SCN9A: variants seen among roughly 807,000 people sequenced by gnomAD.
SCN9A encodes sodium voltage-gated channel alpha subunit 9, also known as sodium channel protein type 9 subunit alpha.
In SCN9A, 131 loss-of-function variants were observed where a neutral mutation model predicts 187.0. That is an observed-to-expected ratio of 0.70 (90% confidence interval 0.61 to 0.81). The LOEUF is 0.81. Ranked by LOEUF, SCN9A falls within the 30% of genes least tolerant of loss-of-function variation. The pLI, the probability that SCN9A is intolerant of heterozygous loss-of-function variation, is 0.00. For missense variants in SCN9A, 2,252 were observed against 2,396.6 expected (o/e 0.94, Z 1.26); for synonymous variants, 809 against 808.6 (o/e 1.00, Z -0.01).
chr2:166,341,509 T>C (rs1002292214), intron 1 of SCN9A, among the ~76,000 whole-genome samples: 1 of 152,216 alleles, frequency 6.6e-6, no homozygotes, highest in African/African-American at 2.4e-5. Context: ...TTGGCAACAA[T>C]AGACCTGCAG....
At position 166,196,205 on chromosome 2, in the gene SCN9A, A is replaced by G. The variant is rs1015923987; in HGVS notation, c.*2467T>C. 6.6e-6 allele frequency: 1 copy of G among 152,184 alleles called. No homozygotes were observed. Among genetic ancestry groups the G allele is most frequent in the African/African-American group, 2.4e-5 (1 of 41,456 alleles). 9.4% of individuals were successfully genotyped at this position (152,184 alleles called of 1,614,324 possible). On this transcript the variant is annotated 3_prime_UTR_variant, in exon 27 of 27. Transcript: ENST00000642356. Reference sequence around the variant, plus strand: ...TTCTGAAGGGTGAAACCATCAGTACAAACAGTAATCTACATGGAAAGAGAG... The same window carrying G: ...TTCTGAAGGGTGAAACCATCAGTACGAACAGTAATCTACATGGAAAGAGAG...
chr2:166,284,845 A>C (rs760277112), intron 11 of SCN9A, 21 bp from the exon 12 acceptor site: 9 of 1,568,818 alleles, frequency 5.7e-6, no homozygotes, highest in Non-Finnish European at 6.9e-6. Flanking sequence ...ATTAAAAAAA[A>C]CGTGGTTGCT....
intron 17 of SCN9A, among the ~76,000 whole-genome samples, chr2:166,271,292 A>G (rs1300665427): frequency 6.6e-6 from 1 of 152,148 alleles, no homozygotes; most frequent in East Asian, 1.9e-4. Context: ...GGTTCTAAAC[A>G]TTTTACATGT....
chr2:166,304,165 AAACGAACAAAGAAC>A, intron 6 of SCN9A, 59 bp downstream of exon 6: 1 of 1,611,942 alleles, frequency 6.2e-7, no homozygotes, highest in Non-Finnish European at 8.5e-7. Flanking sequence ...ACACACACAC[AAACGAACAAAGAAC>A]AACTCCCAAA....
chr2:166,328,910 T>A, intron 1 of SCN9A, among the ~76,000 whole-genome samples: 1 of 152,268 alleles, frequency 6.6e-6, no homozygotes, highest in East Asian at 1.9e-4. Flanking sequence ...GTCTACAACA[T>A]TTGAGTGATT....
intron 26 of SCN9A, among the ~76,000 whole-genome samples, chr2:166,201,281 CATATA>C (rs1558942282): frequency 7.1e-5 from 10 of 141,340 alleles, no homozygotes; most frequent in East Asian, 6.0e-4. Context: ...ATATACTATA[CATATA>C]CATATACATA....
intron 1 of SCN9A, among the ~76,000 whole-genome samples, chr2:166,313,008 T>TTAATATAGTTATTATTTAATTTTCTG (rs138488726): frequency 8.3e-6 from 1 of 120,070 alleles, no homozygotes; most frequent in Non-Finnish European, 1.8e-5. Context: ...ATTTTCTGAA[T>TTAATATAGTTATTATTTAATTTTCTG]AATTAAATAA....
intron 1 of SCN9A, among the ~76,000 whole-genome samples, chr2:166,374,870 A>C (rs922590757): frequency 7.2e-5 from 11 of 152,018 alleles, no homozygotes; most frequent in Non-Finnish European, 1.6e-4. Flanking sequence ...TTTCTCATGT[A>C]AATTGCTCTT....
chr2:166,251,361 TGA>T (rs997696701), intron 18 of SCN9A, among the ~76,000 whole-genome samples: 1 of 152,048 alleles, frequency 6.6e-6, no homozygotes, highest in African/African-American at 2.4e-5. Flanking sequence ...GGAAGAATTT[TGA>T]GAGAGACTGT....
chr2:166,198,787 G>A lies in SCN9A; in HGVS notation c.5852C>T (p.Ser1951Phe). ...ATCATATGAAGGTGGAGAGGTGGTG[G>A]ATGAAGTGGCATCTGTTTTTTCTGG... is the stretch of plus-strand genomic sequence containing the variant. ...SSPEKTDATS[S>F]TTSPPSYDSV... Residue 1951 changes from serine to phenylalanine, a missense_variant, in exon 27 of 27, where the codon TCC (serine) becomes TTC (phenylalanine). Ser to Phe is a radical substitution (Grantham distance 155). Coordinates refer to ENST00000642356, the MANE Select transcript of SCN9A (RefSeq NM_001365536.1). 6.2e-7 allele frequency: 1 copy of A among 1,613,296 alleles called. No individual in the cohort carries two copies.
At chr2:166,302,922 T>C in intron 7 of SCN9A, 168 bp downstream of exon 7, 2 of 581,332 alleles carry the variant, frequency 3.4e-6, no homozygotes, top group Non-Finnish European at 5.9e-6. Context: ...AGAACCAGGA[T>C]GATTTATGAA....
rs1161512007 is a variant in SCN9A, at chr2:166,199,463, C to A, written c.5176G>T (p.Val1726Phe). Residue 1726 changes from valine to phenylalanine, a missense_variant, in exon 27 of 27, where the codon GTT (valine) becomes TTT (phenylalanine). Val to Phe is a conservative substitution (Grantham distance 50). This residue lies in a region of SCN9A where 345 missense variants were observed against 344.6 expected (regional missense o/e 1.00). Coordinates refer to ENST00000642356, the MANE Select transcript of SCN9A (RefSeq NM_001365536.1). The stretch of plus-strand genomic sequence containing the variant: ...GATGGGTTACCACAGTCTCCTTCAA[C>A]TGAACTTCCAGGATGAACTTTTTTT... ...DPKKVHPGSS[V>F]EGDCGNPSVG... The A allele has an allele frequency of 3.1e-6, 5 of 1,614,200 alleles. No homozygotes were observed. In the Middle Eastern group the frequency reaches 4.9e-4, roughly 160 times the overall value.
At chr2:166,227,001 A>T (rs1694867904) in intron 23 of SCN9A, among the ~76,000 whole-genome samples, 1 of 152,122 alleles carries the variant, frequency 6.6e-6, no homozygotes, top group Non-Finnish European at 1.5e-5. Flanking sequence ...AAAATTCAAT[A>T]ACTAAGTGAC....
chr2:166,297,021 C>G (rs1431605618), intron 7 of SCN9A, among the ~76,000 whole-genome samples: 2 of 151,156 alleles, frequency 1.3e-5, no homozygotes, highest in African/African-American at 2.4e-5. Flanking sequence ...CACAATGAAA[C>G]CCCGTCTCTA....
chr2:166,211,577 CTA>C (rs1694096182), intron 24 of SCN9A, among the ~76,000 whole-genome samples: 1 of 151,490 alleles, frequency 6.6e-6, no homozygotes, highest in African/African-American at 2.4e-5. Context: ...TTAAGAATAA[CTA>C]AAATTACAAA....
In SCN9A at chr2:166,226,642, G is replaced by T; in HGVS notation, c.4323C>A (p.Ile1441=). Residue 1441 remains isoleucine (I), a synonymous_variant, in exon 24 of 27, where the codon ATC becomes ATA. Transcript: ENST00000642356. ...LYMYIYFVVF[I]IFGSFFTLNL... ...TCAAAGTGAAGAATGACCCAAAGAT[G>T]ATAAAGACGACAAAATAAATATACA... The T allele has an allele frequency of 6.3e-7, 1 of 1,587,874 alleles. No individual in the cohort carries two copies. The highest frequency in any genetic ancestry group is 8.6e-7 in the Non-Finnish European group (1 of 1,166,828).
rs1363883151 is a variant in SCN9A, at chr2:166,305,926, C to T, written c.468-6G>A. On this transcript the variant is annotated splice_region_variant and splice_polypyrimidine_tract_variant and intron_variant, in intron 4 of 26. Transcript: ENST00000642356. ...ATATTCCAGTAAAAGTGTACCTAAA[C>T]ACAAGATTCCATTGGGATACTAGAT... is the stretch of plus-strand genomic sequence containing the variant. 1.2e-6 allele frequency: 2 copies of T among 1,612,122 alleles called. No individual in the cohort carries two copies. The highest frequency in any genetic ancestry group is 1.7e-5 in the Admixed American group (1 of 59,818).
intron 7 of SCN9A, chr2:166,301,978 C>A (rs1353744774): frequency 6.6e-6 from 1 of 150,556 alleles, no homozygotes. Flanking sequence ...AGTCTTTTAC[C>A]ATGTGGGCTA....
At chr2:166,281,829 T>G (rs995684446) in intron 12 of SCN9A, 21 bp from the exon 13 acceptor site, 4 of 1,599,296 alleles carry the variant, frequency 2.5e-6, no homozygotes, top group Non-Finnish European at 3.4e-6. Context: ...AATCAATTAA[T>G]GTCTTAAGAA....
Sources: gnomAD v4.1 joint callset for allele counts (sites outside exome capture counted in the v4.1 genomes callset) on GRCh38, gnomAD v4.1.1 for gene constraint, gnomAD v4.1.1 regional missense constraint, MANE v1.5 for transcripts, NCBI Gene and HGNC (gene_info 2026-07-23, HGNC 2026-07-21) for gene names.